Variants in ACAT2 observed in about 807,000 individuals in gnomAD.
ACAT2 encodes the protein acetyl-CoA acetyltransferase 2.
A neutral mutation model predicts 37.1 loss-of-function variants in ACAT2; 26 were observed. The observed-to-expected ratio is 0.70, with a 90% CI of 0.51 to 0.97. ACAT2 has a LOEUF of 0.97. Among genes scored for constraint, ACAT2 ranks in the 50% least tolerant of loss-of-function variants. The pLI is 0.00. For missense variants in ACAT2, 468 were observed against 489.0 expected (o/e 0.96, Z 0.40); for synonymous variants, 156 against 163.6 (o/e 0.95, Z 0.35).
rs1441795430 is a variant in ACAT2, at chr6:159,762,123, G to A, written c.36G>A (p.Ser12=). The change falls in exon 1 of 9, where the codon TCG becomes TCA. Residue 12 remains serine (S), a synonymous_variant. Transcript: ENST00000367048. ...GCTCAGATCCTGTGGTCATCGTCTC[G>A]GCGGCGCGGACCATCATAGGTGAGT... The part of the protein sequence containing the change: ...NAGSDPVVIV[S]AARTIIGSFN... The A allele has an allele frequency of 6.2e-7, 1 of 1,612,692 alleles. No individual in the cohort carries two copies. The highest frequency in any genetic ancestry group is 1.1e-5 in the South Asian group (1 of 90,838).
chr6:159,762,817 C>T (rs763980788), intron 1 of ACAT2, 102 bp from the exon 2 acceptor site: 17 of 1,594,298 alleles, frequency 1.1e-5, no homozygotes, highest in East Asian at 6.7e-5. Context: ...TGCCTCCTCG[C>T]GTGGCCTTGC....
rs189585875 is a variant in ACAT2 at position 159,764,071 on chromosome 6, A to G, written c.190+1018A>G. Among the ~76,000 whole-genome samples the G allele has an allele frequency of 1.9e-4, 29 of 152,030 alleles. No homozygotes were observed. In the East Asian group the frequency reaches 5.7e-3, roughly 30 times the overall value. On this transcript the variant is annotated intron_variant, in intron 2 of 8. Coordinates refer to ENST00000367048, the MANE Select transcript of ACAT2 (RefSeq NM_005891.3). ...AGCTGAGATTGTGCCACTGCACTCC[A>G]TTCAGCCTGGGCAACAGAGTGAGAC...
chr6:159,778,564 A>G (rs1298753375), intron 8 of ACAT2, 95 bp from the exon 9 acceptor site: 4 of 1,255,728 alleles, frequency 3.2e-6, no homozygotes, highest in Non-Finnish European at 4.5e-6. Context: ...TTGAAAGGGT[A>G]GCATGCTGAT....
chr6:159,765,634 ATT>A lies in ACAT2; in HGVS notation c.191-1370_191-1369del, dbSNP rs1436153111. Among the ~76,000 whole-genome samples the A allele has an allele frequency of 3.5e-5, 5 of 144,384 alleles. No individual in the cohort carries two copies. The East Asian group carries it at 1.0e-3, about 30-fold the overall frequency. The allele number at this position is 144,384 out of a possible 152,430, so 94.7% of individuals were successfully genotyped here. A position where few individuals can be genotyped will look rare whatever the true frequency, so the allele number is the denominator to read the frequency against. On this transcript the variant is annotated intron_variant, in intron 2 of 8. Transcript: ENST00000367048. ...TAGTAGAGAGGGGGGGTTTCACCATATTGTCCAGGCTGGTCTCAAACTCCTGA... is the reference window on the plus strand; with the variant it reads ...TAGTAGAGAGGGGGGGTTTCACCATAGTCCAGGCTGGTCTCAAACTCCTGA...
chr6:159,762,346 T>C (rs1780158634), intron 1 of ACAT2: 2 of 1,251,208 alleles, frequency 1.6e-6, no homozygotes, highest in South Asian at 1.6e-5. Context: ...TCTCCCGATG[T>C]GCGCACTCCG....
At chr6:159,762,206 G>A (rs1404273759) in intron 1 of ACAT2, 64 bp downstream of exon 1, 18 of 1,549,594 alleles carry the variant, frequency 1.2e-5, no homozygotes, top group Non-Finnish European at 1.5e-5. Flanking sequence ...GAGCGCCGAG[G>A]GCCGGACTTG....
rs757762232 is a variant in ACAT2 at position 159,767,031 on chromosome 6, G to A, written c.217G>A (p.Ala73Thr). Residue 73 changes from alanine to threonine, a missense_variant, in exon 3 of 9, where the codon GCC becomes ACC. By Grantham distance (58) the Ala-to-Thr change is moderately conservative (BLOSUM62 0). Coordinates refer to ENST00000367048, the MANE Select transcript of ACAT2 (RefSeq NM_005891.3). ...CTGTGGGCAGAATCCTGTTAGACAAGCCAGTGTGGGTGCAGGAATTCCCTA... is the reference window on the plus strand; with the variant it reads ...CTGTGGGCAGAATCCTGTTAGACAAACCAGTGTGGGTGCAGGAATTCCCTA... ...AGCGQNPVRQASVGAGIPYSV... is the reference protein window; with the variant it reads ...AGCGQNPVRQTSVGAGIPYSV... 5.0e-6 allele frequency: 8 copies of A among 1,613,948 alleles called. No homozygotes were observed. Among genetic ancestry groups the A allele is most frequent in the Non-Finnish European group, 6.8e-6 (8 of 1,179,920 alleles).
At chr6:159,778,369 G>C in intron 8 of ACAT2, 89 bp downstream of exon 8, 1 of 822,612 alleles carries the variant, frequency 1.2e-6, no homozygotes, top group Non-Finnish European at 1.8e-6. Flanking sequence ...GGCCATGTGG[G>C]TAATAGTTAA....
At chr6:159,762,723 G>T (rs1780171362) in intron 1 of ACAT2, 196 bp from the exon 2 acceptor site, 2 of 1,537,130 alleles carry the variant, frequency 1.3e-6, no homozygotes, top group Non-Finnish European at 1.7e-6. Context: ...CGCCTGTCCA[G>T]CCCTCGGCTG....
intron 4 of ACAT2, among the ~76,000 whole-genome samples, chr6:159,768,919 A>G (rs1348556382): frequency 6.6e-6 from 1 of 152,234 alleles, no homozygotes; most frequent in African/African-American, 2.4e-5. Context: ...AGGTAGTGAC[A>G]GAGATAAACC....
intron 1 of ACAT2, 74 bp from the exon 2 acceptor site, chr6:159,762,845 C>T: frequency 6.3e-7 from 1 of 1,596,092 alleles, no homozygotes; most frequent in Non-Finnish European, 8.5e-7. Flanking sequence ...GGTCATGAGG[C>T]TCCCCTGCTC....
At chr6:159,762,637 C>A (rs902248093) in intron 1 of ACAT2, 1 of 1,431,600 alleles carries the variant, frequency 7.0e-7, no homozygotes, top group Admixed American at 2.1e-5. Context: ...GTTTGGGAAG[C>A]ATGGGGTCGC....
At chr6:159,776,000 C>CT (rs1780406832) in intron 5 of ACAT2, 150 bp from the exon 6 acceptor site, 1 of 784,624 alleles carries the variant, frequency 1.3e-6, no homozygotes, top group Non-Finnish European at 2.0e-6. Context: ...CTTGTGTGTA[C>CT]TTTCCTCCTG....
chr6:159,770,668 C>T (rs1780321274), intron 4 of ACAT2, among the ~76,000 whole-genome samples: 1 of 151,978 alleles, frequency 6.6e-6, no homozygotes, highest in South Asian at 2.1e-4. Flanking sequence ...AAAAAAAATT[C>T]TGAATGGCCT....
chr6:159,778,308 C>T (rs1430208931), intron 8 of ACAT2, 28 bp downstream of exon 8: 3 of 1,472,722 alleles, frequency 2.0e-6, no homozygotes, highest in Non-Finnish European at 2.8e-6. Flanking sequence ...ACCCTGAGAG[C>T]TTACCAGTGA....
intron 2 of ACAT2, among the ~76,000 whole-genome samples, chr6:159,763,544 A>G (rs569286387): frequency 6.6e-6 from 1 of 151,616 alleles, no homozygotes; most frequent in East Asian, 2.0e-4. Context: ...CTCTAAACAA[A>G]CAAAAAGACT....
At chr6:159,771,726 C>G (rs967060791) in intron 4 of ACAT2, among the ~76,000 whole-genome samples, 2 of 151,748 alleles carry the variant, frequency 1.3e-5, no homozygotes, top group African/African-American at 4.8e-5. Flanking sequence ...CACACCTACA[C>G]TACAAGAAAT....
chr6:159,762,831 A>T, intron 1 of ACAT2, 88 bp from the exon 2 acceptor site: 7 of 1,597,374 alleles, frequency 4.4e-6, no homozygotes, highest in Non-Finnish European at 6.0e-6. Context: ...GCCTTGCCAA[A>T]CAGGGTCATG....
intron 2 of ACAT2, among the ~76,000 whole-genome samples, chr6:159,764,707 G>C (rs574605568): frequency 6.6e-6 from 1 of 152,266 alleles, no homozygotes; most frequent in Admixed American, 6.5e-5. Flanking sequence ...CCATGCCCTT[G>C]AACTTCTGAG....
Sources: allele counts gnomAD v4.1 joint callset (sites outside exome capture counted in the v4.1 genomes callset), GRCh38; gene constraint gnomAD v4.1.1; transcripts MANE v1.5; gene names NCBI Gene and HGNC (gene_info 2026-07-23, HGNC 2026-07-21).